DPP10: variants seen among roughly 807,000 people sequenced by gnomAD.
DPP10 encodes the protein dipeptidyl peptidase like 10.
In DPP10, 33 loss-of-function variants were observed where a neutral mutation model predicts 120.9. That is an observed-to-expected ratio of 0.27 (90% CI 0.21 to 0.37). The LOEUF is 0.37. Among genes scored for constraint, DPP10 ranks in the 10% least tolerant of loss-of-function variants. DPP10 has a pLI of 1.00. For synonymous variants in DPP10, 337 were observed against 326.1 expected (o/e 1.03, Z -0.36); for missense variants, 816 against 942.8 (o/e 0.87, Z 1.76).
Position 115,842,267 on chromosome 2 carries a change from C to T in DPP10, c.2313C>T (p.Ser771=). 1 of 1,613,998 alleles carries T rather than the reference C, an allele frequency of 6.2e-7. No homozygotes were observed. Among genetic ancestry groups the T allele is most frequent in the South Asian group, 1.1e-5 (1 of 91,068 alleles). ...AGAAGAGCAAGTATCATCTCTACAG[C>T]ACAATCCTCAAATTCTTCAGTGATT... is the stretch of plus-strand genomic sequence containing the variant. ...VSEKSKYHLY[S]TILKFFSDCL... The change falls in exon 26 of 26, where the codon AGC becomes AGT. Residue 771 remains serine (S), a synonymous_variant. Transcript: ENST00000410059.
At chr2:114,847,231 C>T (rs1278034431) in intron 1 of DPP10, among the ~76,000 whole-genome samples, 1 of 152,116 alleles carries the variant, frequency 6.6e-6, no homozygotes, top group Non-Finnish European at 1.5e-5. Flanking sequence ...ACACCAATTT[C>T]TACAGGCTCC....
chr2:115,586,188 T>C (rs2082279623), intron 5 of DPP10, among the ~76,000 whole-genome samples: 1 of 152,006 alleles, frequency 6.6e-6, no homozygotes. Flanking sequence ...TAGTGGAGTA[T>C]GGTATTGCAT....
intron 10 of DPP10, 28 bp downstream of exon 10, chr2:115,746,211 G>A (rs751668634): frequency 2.6e-6 from 4 of 1,543,230 alleles, no homozygotes; most frequent in Non-Finnish European, 1.8e-6. Flanking sequence ...CACTTTTATG[G>A]GGAAATAGAT....
intron 21 of DPP10, among the ~76,000 whole-genome samples, chr2:115,825,272 G>C (rs1468091361): frequency 4.6e-5 from 7 of 152,054 alleles, no homozygotes; most frequent in South Asian, 4.1e-4. Flanking sequence ...TATTGCTTTA[G>C]AATTCTATCT....
intron 3 of DPP10, among the ~76,000 whole-genome samples, chr2:115,481,704 C>T (rs924573469): frequency 6.6e-6 from 1 of 151,920 alleles, no homozygotes; most frequent in African/African-American, 2.4e-5. Flanking sequence ...GTAATTAACT[C>T]TTTTTGACAG....
intron 5 of DPP10, among the ~76,000 whole-genome samples, chr2:115,621,612 A>AT (rs1231688178): frequency 1.3e-5 from 2 of 152,018 alleles, no homozygotes; most frequent in African/African-American, 4.8e-5. Flanking sequence ...AATCCGCACA[A>AT]TTTTTTTTCA....
chr2:115,079,276 A>C (rs1222999438), intron 1 of DPP10, among the ~76,000 whole-genome samples: 1 of 152,106 alleles, frequency 6.6e-6, no homozygotes, highest in Non-Finnish European at 1.5e-5. Context: ...GCTACTCAGG[A>C]GGCTGAGGCA....
chr2:115,235,218 G>A (rs2057936152), intron 1 of DPP10, among the ~76,000 whole-genome samples: 2 of 152,110 alleles, frequency 1.3e-5, no homozygotes, highest in East Asian at 1.9e-4. Context: ...ATATGAGCTG[G>A]ATATAGTTTA....
At chr2:115,739,999 A>T in intron 9 of DPP10, 106 bp downstream of exon 9, 1 of 1,281,880 alleles carries the variant, frequency 7.8e-7, no homozygotes, top group East Asian at 2.3e-5. Context: ...AGGAAAACAG[A>T]AGTTTTCCTT....
At chr2:114,598,503 A>G (rs1216222894) in intron 1 of DPP10, among the ~76,000 whole-genome samples, 1 of 151,902 alleles carries the variant, frequency 6.6e-6, no homozygotes, top group African/African-American at 2.4e-5. Flanking sequence ...CTGCGTTTCA[A>G]AGAATGCCAA....
intron 5 of DPP10, among the ~76,000 whole-genome samples, chr2:115,604,658 T>G (rs1227650129): frequency 6.6e-6 from 1 of 151,744 alleles, no homozygotes; most frequent in Non-Finnish European, 1.5e-5. Context: ...AATCTAAGCC[T>G]TTTTCATTTC....
intron 1 of DPP10, among the ~76,000 whole-genome samples, chr2:115,128,916 C>T (rs984883704): frequency 6.6e-6 from 1 of 152,118 alleles, no homozygotes; most frequent in Non-Finnish European, 1.5e-5. Flanking sequence ...GCAAAAACCA[C>T]GAATAGATAA....
intron 1 of DPP10, among the ~76,000 whole-genome samples, chr2:114,799,767 A>C (rs561536311): frequency 6.6e-6 from 1 of 152,252 alleles, no homozygotes; most frequent in Admixed American, 6.5e-5. Flanking sequence ...ATACCTAAGA[A>C]GTAGCTTTAA....
At chr2:115,477,592 G>A (rs2075168549) in intron 3 of DPP10, among the ~76,000 whole-genome samples, 1 of 152,104 alleles carries the variant, frequency 6.6e-6, no homozygotes, top group Non-Finnish European at 1.5e-5. Flanking sequence ...AATATACACA[G>A]ATTAATGTAG....
At chr2:115,145,682 G>T (rs1296971304) in intron 1 of DPP10, among the ~76,000 whole-genome samples, 1 of 152,040 alleles carries the variant, frequency 6.6e-6, no homozygotes, top group Non-Finnish European at 1.5e-5. Flanking sequence ...TGCAATTGCT[G>T]GATCATACGG....
chr2:115,372,384 G>T (rs989302842), intron 3 of DPP10, among the ~76,000 whole-genome samples: 5 of 131,286 alleles, frequency 3.8e-5, no homozygotes, highest in Non-Finnish European at 8.2e-5. Flanking sequence ...GAATGAAAAG[G>T]TAATCATTAC....
intron 5 of DPP10, among the ~76,000 whole-genome samples, chr2:115,643,425 C>G (rs2086952817): frequency 6.6e-6 from 1 of 152,068 alleles, no homozygotes; most frequent in African/African-American, 2.4e-5. Flanking sequence ...GGCAGTAAAA[C>G]TGAAAGCTCA....
intron 7 of DPP10, among the ~76,000 whole-genome samples, chr2:115,717,415 G>C (rs957068043): frequency 6.6e-6 from 1 of 151,942 alleles, no homozygotes; most frequent in Non-Finnish European, 1.5e-5. Flanking sequence ...TAAATAAGAG[G>C]ACAGGCTTTG....
chr2:114,682,746 ATCTATCTATCTATCTATCTGTCTG>A, intron 1 of DPP10, among the ~76,000 whole-genome samples: 1 of 143,054 alleles, frequency 7.0e-6, no homozygotes, highest in Non-Finnish European at 1.5e-5. Context: ...AAGATTTTAT[ATCTATCTATCTATCTATCTGTCTG>A]TCTATCTATC....
Sources: gnomAD v4.1 joint callset for allele counts (sites outside exome capture counted in the v4.1 genomes callset) on GRCh38, gnomAD v4.1.1 for gene constraint, MANE v1.5 for transcripts, NCBI Gene and HGNC (gene_info 2026-07-23, HGNC 2026-07-21) for gene names.